SLC9B2: variants seen among roughly 807,000 people sequenced by gnomAD.
SLC9B2 encodes solute carrier family 9 member B2.
In SLC9B2, 39 loss-of-function variants were observed where a neutral mutation model predicts 52.2. The observed-to-expected ratio is 0.75, with a 90% CI of 0.58 to 0.98. The LOEUF (loss-of-function observed/expected upper bound fraction) is 0.98, where lower values mean the gene tolerates loss of function less well. Ranked by LOEUF, SLC9B2 falls within the 50% of genes least tolerant of loss-of-function variation. The probability of loss-of-function intolerance (pLI) is 0.00; values close to 1 mark genes in which losing one functional copy is unlikely to be tolerated. For missense variants in SLC9B2, 626 were observed against 637.5 expected, an observed-to-expected ratio of 0.98 and a Z score of 0.19; for synonymous variants, 214 against 227.0, an observed-to-expected ratio of 0.94 and a Z score of 0.51.
intron 9 of SLC9B2, among the ~76,000 whole-genome samples, chr4:103,039,127 A>C (rs1182053093): frequency 6.6e-6 from 1 of 152,226 alleles, no homozygotes; most frequent in African/African-American, 2.4e-5. Flanking sequence ...GTATTTCAGA[A>C]GGCAAATGAC....
intron 3 of SLC9B2, among the ~76,000 whole-genome samples, chr4:103,060,537 G>T (rs79364408): frequency 9.1e-4 from 88 of 97,224 alleles, no homozygotes; most frequent in Middle Eastern, 6.4e-3. Flanking sequence ...TGTTTTTTTT[G>T]TTTGTTTTTT....
Position 103,066,452 on chromosome 4 carries a change from C to A in SLC9B2, c.146G>T (p.Ser49Ile). 6.2e-7 allele frequency: 1 copy of A among 1,614,032 alleles called. No individual in the cohort carries two copies. ...GIDANEPTEG[S>I]ILLKSSEKKL... Reference sequence around the variant, plus strand: ...TTTTTCACTGCTTTTCAAAAGAATACTTCCTTCTGTTGGTTCATTTGCATC... The same window carrying A: ...TTTTTCACTGCTTTTCAAAAGAATAATTCCTTCTGTTGGTTCATTTGCATC... The change falls in exon 3 of 12, where the codon AGT (serine) becomes ATT (isoleucine). Residue 49 changes from serine to isoleucine, a missense_variant. Physicochemically the swap from Ser to Ile is moderately radical, Grantham distance 142 (BLOSUM62 -2). Coordinates refer to ENST00000394785, the MANE Select transcript of SLC9B2 (RefSeq NM_178833.7).
At chr4:103,066,202 G>T in intron 3 of SLC9B2, 125 bp downstream of exon 3, 1 of 1,132,808 alleles carries the variant, frequency 8.8e-7, no homozygotes, top group Non-Finnish European at 1.3e-6. Flanking sequence ...TGTGTGAATT[G>T]TTCACCAACT....
At chr4:103,051,262 C>G (rs963282153) in intron 4 of SLC9B2, among the ~76,000 whole-genome samples, 7 of 152,292 alleles carry the variant, frequency 4.6e-5, no homozygotes, top group African/African-American at 1.7e-4. Flanking sequence ...TTCATTGATA[C>G]CACATGCCCA....
intron 9 of SLC9B2, chr4:103,042,038 T>G (rs1349134501): frequency 1.3e-5 from 2 of 152,088 alleles, no homozygotes; most frequent in East Asian, 3.8e-4. Context: ...ATATAATGAG[T>G]TGATTTCAAT....
intron 4 of SLC9B2, among the ~76,000 whole-genome samples, chr4:103,054,582 T>C (rs1211911430): frequency 6.6e-6 from 1 of 152,210 alleles, no homozygotes; most frequent in Admixed American, 6.5e-5. Context: ...GCCAGTATAA[T>C]GTGAAGGACA....
chr4:103,033,848 G>A lies in SLC9B2; in HGVS notation c.1147-2040C>T, dbSNP rs148198240. ...AAAAACATACCATGCTCATGGATAG[G>A]AAGAATCAATATTGTTAAAATGGCC... On this transcript the variant is annotated intron_variant, in intron 9 of 11. Transcript: ENST00000394785. 4.2e-3 allele frequency among the ~76,000 whole-genome samples: 641 copies of A among 152,198 alleles called. 1 individual carries two copies. Among genetic ancestry groups the A allele is most frequent in the Middle Eastern group, 0.017 (5 of 294 alleles).
intron 9 of SLC9B2, among the ~76,000 whole-genome samples, chr4:103,035,645 T>C (rs989505392): frequency 2.0e-5 from 3 of 151,960 alleles, no homozygotes; most frequent in Non-Finnish European, 4.4e-5. Context: ...GATGGTGAGG[T>C]TGTGGAGAAA....
At chr4:103,071,895 T>A (rs1746666974) in intron 1 of SLC9B2, among the ~76,000 whole-genome samples, 1 of 152,102 alleles carries the variant, frequency 6.6e-6, no homozygotes. Flanking sequence ...CTTGGTAATA[T>A]TTCTCATAGA....
chr4:103,073,457 G>T (rs1746845510), intron 1 of SLC9B2, among the ~76,000 whole-genome samples: 1 of 152,128 alleles, frequency 6.6e-6, no homozygotes, highest in African/African-American at 2.4e-5. Flanking sequence ...GCCCTACCCA[G>T]CAATGAGGAA....
chr4:103,018,593 A>G (rs1020856977), downstream of SLC9B2, among the ~76,000 whole-genome samples: 1 of 152,138 alleles, frequency 6.6e-6, no homozygotes, highest in Non-Finnish European at 1.5e-5. Context: ...GGCCTCCCTC[A>G]GTGCCACCTG....
chr4:103,073,502 C>CT (rs1408578767), intron 1 of SLC9B2, among the ~76,000 whole-genome samples: 1 of 152,182 alleles, frequency 6.6e-6, no homozygotes, highest in Non-Finnish European at 1.5e-5. Flanking sequence ...TTAACACTTT[C>CT]TTAGACAATT....
chr4:103,043,724 A>G (rs969744191), intron 8 of SLC9B2, among the ~76,000 whole-genome samples: 5 of 152,210 alleles, frequency 3.3e-5, no homozygotes, highest in African/African-American at 9.7e-5. Flanking sequence ...GAAAAAAAGT[A>G]CATGAGCTTT....
At chr4:103,066,921 CAT>C (rs1167198667) in intron 2 of SLC9B2, among the ~76,000 whole-genome samples, 2 of 150,976 alleles carry the variant, frequency 1.3e-5, no homozygotes, top group African/African-American at 4.9e-5. Flanking sequence ...AAATATGAAA[CAT>C]AAATAAATTT....
downstream of SLC9B2, chr4:103,019,959 C>A: frequency 2.0e-6 from 2 of 979,708 alleles, no homozygotes; most frequent in African/African-American, 1.8e-5. Context: ...ACTGCATGTG[C>A]CAGAAGTAAA....
At chr4:103,029,427 A>G (rs1244769033) in intron 10 of SLC9B2, among the ~76,000 whole-genome samples, 1 of 152,128 alleles carries the variant, frequency 6.6e-6, no homozygotes, top group Admixed American at 6.6e-5. Flanking sequence ...ATAAGACCAG[A>G]AGTGATAGCT....
chr4:103,059,330 G>A (rs1745431240), intron 3 of SLC9B2, among the ~76,000 whole-genome samples: 1 of 152,036 alleles, frequency 6.6e-6, no homozygotes, highest in South Asian at 2.1e-4. Context: ...AATTCTTGAG[G>A]GTATTTTCTT....
At chr4:103,058,777 G>A (rs1049357600) in intron 3 of SLC9B2, among the ~76,000 whole-genome samples, 4 of 150,652 alleles carry the variant, frequency 2.7e-5, no homozygotes, top group Non-Finnish European at 4.4e-5. Flanking sequence ...ATAAGAATGT[G>A]AAATAGGCCA....
In SLC9B2 at chr4:103,028,788, T is replaced by C. The variant is rs376813023; in HGVS notation, c.1351A>G (p.Ile451Val). Residue 451 changes from isoleucine (I) to valine (V), a missense_variant, in exon 11 of 12, where the codon ATA becomes GTA. Coordinates refer to ENST00000394785, the MANE Select transcript of SLC9B2 (RefSeq NM_178833.7). ...GGAAGCCATGCAAAAGAAATAAATA[T>C]CTTTTCTTTTAAGTTAAAACCAGCA... is the stretch of plus-strand genomic sequence containing the variant. ...CFAGFNLKEK[I>V]FISFAWLPKA... 1.7e-5 allele frequency: 28 copies of C among 1,609,554 alleles called. No homozygotes were observed. The highest frequency in any genetic ancestry group is 2.2e-5 in the East Asian group (1 of 44,520).
Sources: allele counts gnomAD v4.1 joint callset (sites outside exome capture counted in the v4.1 genomes callset), GRCh38; gene constraint gnomAD v4.1.1; transcripts MANE v1.5; gene names NCBI Gene and HGNC (gene_info 2026-07-23, HGNC 2026-07-21).